Variants in ARHGAP5 observed in about 807,000 individuals in gnomAD.
The protein encoded by ARHGAP5 is rho GTPase-activating protein 5.
ARHGAP5 carries 23 observed loss-of-function variants against 116.6 expected under a neutral mutation model. That is an observed-to-expected ratio of 0.20 (90% CI 0.14 to 0.28). The LOEUF (loss-of-function observed/expected upper bound fraction) is 0.28. Ranked by LOEUF, ARHGAP5 falls within the 10% of genes least tolerant of loss-of-function variation. The probability of loss-of-function intolerance (pLI) is 1.00; values close to 1 mark genes in which losing one functional copy is unlikely to be tolerated. For missense variants in ARHGAP5, 1,405 were observed against 1,774.8 expected (o/e 0.79, Z 3.74); for synonymous variants, 574 against 602.0 (o/e 0.95, Z 0.68).
At position 32,094,171 on chromosome 14, in the gene ARHGAP5, T is replaced by C. The variant is rs1461036241; in HGVS notation, c.3502T>C (p.Tyr1168His). The part of the protein sequence containing the change: ...KTLFSKAKSY[Y>H]RRTHSDASDD... ...CTTGTTTAGTAAAGCCAAGTCATAC[T>C]ATAGAAGAACACATTCAGATGCCAG... Residue 1168 changes from tyrosine (Y) to histidine (H), a missense_variant, in exon 2 of 7, where the codon TAT (tyrosine) becomes CAT (histidine). Around this residue, in one of 6 missense-constraint regions of ARHGAP5, gnomAD observed 944 missense variants for 1,095.3 expected, o/e 0.86. Transcript: ENST00000345122. The C allele has an allele frequency of 7.4e-6, 12 of 1,612,878 alleles. No individual in the cohort carries two copies. Among genetic ancestry groups the C allele is most frequent in the South Asian group, 2.2e-5 (2 of 90,862 alleles).
At chr14:32,089,726 C>G (rs892975373) in intron 1 of ARHGAP5, among the ~76,000 whole-genome samples, 1 of 151,742 alleles carries the variant, frequency 6.6e-6, no homozygotes, top group African/African-American at 2.4e-5. Context: ...CGTTTAGGAA[C>G]AGTTTGGCAG....
rs1030942185 is a variant in ARHGAP5 at position 32,158,995 on chromosome 14, C to CT, written c.*4050dup. 1 of 151,942 alleles carries CT rather than the reference C, an allele frequency of 6.6e-6. No individual in the cohort carries two copies. Among genetic ancestry groups the CT allele is most frequent in the African/African-American group, 2.4e-5 (1 of 41,414 alleles). The allele number at this position is 151,942 out of a possible 1,614,324, so 9.4% of individuals were successfully genotyped here. ...TTTTTTCCTCCACTATATGAGTTTT[C>CT]TTTGTCAGGGGGAGAGGAGTGGGAA... On this transcript the variant is annotated 3_prime_UTR_variant, in exon 7 of 7. Coordinates refer to ENST00000345122, the MANE Select transcript of ARHGAP5 (RefSeq NM_001030055.2).
At chr14:32,110,329 T>C (rs1248040384) in intron 2 of ARHGAP5, among the ~76,000 whole-genome samples, 2 of 141,430 alleles carry the variant, frequency 1.4e-5, no homozygotes, top group East Asian at 2.0e-4. Flanking sequence ...TTGCTTTTGC[T>C]TTTTTTTTTT....
intron 2 of ARHGAP5, among the ~76,000 whole-genome samples, chr14:32,116,138 T>G (rs1179582252): frequency 6.9e-6 from 1 of 145,026 alleles, no homozygotes; most frequent in African/African-American, 2.6e-5. Flanking sequence ...AATACAAAAA[T>G]TAGCTGGGCG....
At chr14:32,132,258 CTT>C (rs1181839795) in intron 3 of ARHGAP5, among the ~76,000 whole-genome samples, 1 of 152,130 alleles carries the variant, frequency 6.6e-6, no homozygotes, top group Non-Finnish European at 1.5e-5. Context: ...TGTTTCCTGA[CTT>C]TTTAATGATT....
chr14:32,121,362 A>G (rs1241648178), intron 3 of ARHGAP5, among the ~76,000 whole-genome samples: 1 of 152,048 alleles, frequency 6.6e-6, no homozygotes, highest in African/African-American at 2.4e-5. Flanking sequence ...GCTTTTATGT[A>G]TCTTCATTTC....
Position 32,155,957 on chromosome 14 carries a change from T to C in ARHGAP5, c.*1009T>C, listed in dbSNP as rs1881875415. On this transcript the variant is annotated 3_prime_UTR_variant, in exon 7 of 7. Transcript: ENST00000345122. ...CTTGAATCTATTTTTATGTGGCCCT[T>C]AAAAAATATCCAAAAAACCCATTGC... The C allele has an allele frequency of 6.6e-6, 1 of 152,494 alleles. No individual in the cohort carries two copies. Among genetic ancestry groups the C allele is most frequent in the Non-Finnish European group, 1.5e-5 (1 of 67,944 alleles). The allele number at this position is 152,494 out of a possible 1,614,324, so 9.4% of individuals were successfully genotyped here.
At chr14:32,145,266 G>A (rs1881322808) in intron 3 of ARHGAP5, among the ~76,000 whole-genome samples, 1 of 152,170 alleles carries the variant, frequency 6.6e-6, no homozygotes, top group South Asian at 2.1e-4. Context: ...ACTCCAGAAA[G>A]GGTAAAGAAC....
rs1182998578 is a variant in ARHGAP5, at chr14:32,117,150, A to C, written c.3728A>C (p.Lys1243Thr). ...TATGTTTTCTTATAGCAGAAAAAGA[A>C]AACTAAGAACTTCAATCCACCAACA... Reference protein sequence around the residue: ...KVKEDKKQKKKTKNFNPPTRR... With the variant: ...KVKEDKKQKKTTKNFNPPTRR... Residue 1243 changes from lysine to threonine, a missense_variant, in exon 3 of 7, where the codon AAA becomes ACA. Physicochemically the swap from Lys to Thr is moderately conservative, Grantham distance 78. Transcript: ENST00000345122. 1 of 1,596,924 alleles carries C rather than the reference A, an allele frequency of 6.3e-7. No individual in the cohort carries two copies. Among genetic ancestry groups the C allele is most frequent in the Non-Finnish European group, 8.5e-7 (1 of 1,174,264 alleles).
chr14:32,136,435 G>A (rs934279423), intron 3 of ARHGAP5, among the ~76,000 whole-genome samples: 21 of 152,258 alleles, frequency 1.4e-4, no homozygotes, highest in African/African-American at 5.1e-4. Context: ...ATTATAGCAT[G>A]TATCAGTACA....
In ARHGAP5 at chr14:32,120,549, A is replaced by T. The variant is rs994087939; in HGVS notation, c.3865+3262A>T. On this transcript the variant is annotated intron_variant, in intron 3 of 6. Coordinates refer to ENST00000345122, the MANE Select transcript of ARHGAP5 (RefSeq NM_001030055.2). ...TTCCTCTAAGCATTGTTTTAGCTGTATTCCATATAGATATGCTGTGTTCCA... is the reference window on the plus strand; with the variant it reads ...TTCCTCTAAGCATTGTTTTAGCTGTTTTCCATATAGATATGCTGTGTTCCA... 2.9e-4 allele frequency among the ~76,000 whole-genome samples: 43 copies of T among 150,634 alleles called. 1 individual carries two copies. Among genetic ancestry groups the T allele is most frequent in the South Asian group, 8.3e-4 (4 of 4,796 alleles).
chr14:32,137,971 C>CAAAA (rs570604721), intron 3 of ARHGAP5, among the ~76,000 whole-genome samples: 108 of 79,286 alleles, frequency 1.4e-3, no homozygotes, highest in African/African-American at 5.0e-3. Context: ...GGCTTCGTCT[C>CAAAA]AAAAAAAAAA....
chr14:32,155,658 T>C lies in ARHGAP5; in HGVS notation c.*710T>C, dbSNP rs111284027. 7.7e-3 allele frequency: 1,179 copies of C among 152,788 alleles called. 6 individuals carry two copies. The highest frequency in any genetic ancestry group is 0.012 in the Non-Finnish European group (812 of 68,016). 9.5% of individuals were successfully genotyped at this position (152,788 alleles called of 1,614,324 possible). A position where few individuals can be genotyped will look rare whatever the true frequency, so the allele number is the denominator to read the frequency against. On this transcript the variant is annotated 3_prime_UTR_variant, in exon 7 of 7. Coordinates refer to ENST00000345122, the MANE Select transcript of ARHGAP5 (RefSeq NM_001030055.2). ...GATAGTTGTCACCAACTCATTTCTT[T>C]ATGGTCCATAATGAAATAAAAATTT...
chr14:32,121,550 G>A (rs537185193), intron 3 of ARHGAP5, among the ~76,000 whole-genome samples: 12 of 152,094 alleles, frequency 7.9e-5, no homozygotes, highest in African/African-American at 2.9e-4. Flanking sequence ...ACAGATTGTT[G>A]TCCTTGTTTT....
Position 32,159,069 on chromosome 14 carries a change from G to A in ARHGAP5, c.*4121G>A, listed in dbSNP as rs927283080. On this transcript the variant is annotated 3_prime_UTR_variant, in exon 7 of 7. Coordinates refer to ENST00000345122, the MANE Select transcript of ARHGAP5 (RefSeq NM_001030055.2). ...ATCTTAATTAAATTGTGTGAAATTA[G>A]TCTTTTGTGGAAATTCTGTAGGCAG... The A allele has an allele frequency of 1.3e-5, 2 of 152,030 alleles. No individual in the cohort carries two copies. Among genetic ancestry groups the A allele is most frequent in the African/African-American group, 4.8e-5 (2 of 41,410 alleles). The allele number at this position is 152,030 out of a possible 1,614,324, so 9.4% of individuals were successfully genotyped here.
chr14:32,135,270 A>T (rs943102010), intron 3 of ARHGAP5, among the ~76,000 whole-genome samples: 2 of 152,242 alleles, frequency 1.3e-5, no homozygotes, highest in African/African-American at 4.8e-5. Flanking sequence ...TAATGCAAAA[A>T]ATACATTTAA....
intron 3 of ARHGAP5, among the ~76,000 whole-genome samples, chr14:32,144,656 G>T (rs1035020488): frequency 2.0e-5 from 3 of 151,840 alleles, no homozygotes; most frequent in African/African-American, 7.3e-5. Flanking sequence ...GCTAATATTT[G>T]TATTTTTAGT....
intron 2 of ARHGAP5, among the ~76,000 whole-genome samples, chr14:32,098,800 T>C (rs1205946739): frequency 6.6e-6 from 1 of 152,204 alleles, no homozygotes; most frequent in Non-Finnish European, 1.5e-5. Flanking sequence ...GAGAGAGTAG[T>C]ATAAGGAGAG....
Position 32,092,352 on chromosome 14 carries a change from A to T in ARHGAP5, c.1683A>T (p.Gln561His). ...CTAAAGAAACATGTCTTAGTGGCCAAAATTGTACAGACATTAAAGTGGAGC... is the reference window on the plus strand; with the variant it reads ...CTAAAGAAACATGTCTTAGTGGCCATAATTGTACAGACATTAAAGTGGAGC... ...HPTKETCLSG[Q>H]NCTDIKVEQL... Residue 561 changes from glutamine to histidine, a missense_variant, in exon 2 of 7, where the codon CAA becomes CAT. By Grantham distance (24) the Gln-to-His change is conservative (BLOSUM62 0). Coordinates refer to ENST00000345122, the MANE Select transcript of ARHGAP5 (RefSeq NM_001030055.2). The surrounding 1 kb of genome is among the most constrained non-coding windows in gnomAD (Gnocchi z 4.1). 6.2e-7 allele frequency: 1 copy of T among 1,613,812 alleles called. No individual in the cohort carries two copies. Among genetic ancestry groups the T allele is most frequent in the Non-Finnish European group, 8.5e-7 (1 of 1,179,802 alleles).
Sources: allele counts gnomAD v4.1 joint callset (sites outside exome capture counted in the v4.1 genomes callset), GRCh38; gene constraint gnomAD v4.1.1; regional missense constraint gnomAD v4.1.1; non-coding constraint Gnocchi (gnomAD v3.1); transcripts MANE v1.5; gene names NCBI Gene and HGNC (gene_info 2026-07-23, HGNC 2026-07-21).